Variants in ARID1B observed in about 807,000 individuals in gnomAD.
ARID1B encodes AT-rich interaction domain 1B, also known as AT-rich interactive domain-containing protein 1B.
ARID1B carries 30 observed loss-of-function variants against 212.3 expected under a neutral mutation model. That is an observed-to-expected ratio of 0.14 (90% confidence interval 0.11 to 0.19). ARID1B has a LOEUF of 0.19. Among genes scored for constraint, ARID1B ranks in the 10% least tolerant of loss-of-function variants. The probability of loss-of-function intolerance (pLI) is 1.00; values close to 1 mark genes in which losing one functional copy is unlikely to be tolerated. For synonymous variants in ARID1B, 1,402 were observed against 1,301.7 expected (o/e 1.08, Z -1.66); for missense variants, 2,891 against 3,204.0 (o/e 0.90, Z 2.36).
At chr6:156,846,047 C>T (rs751070004) in intron 2 of ARID1B, among the ~76,000 whole-genome samples, 1 of 152,092 alleles carries the variant, frequency 6.6e-6, no homozygotes, top group Non-Finnish European at 1.5e-5. Flanking sequence ...ATCTTGCCGA[C>T]GACAATGTTG....
chr6:156,922,843 C>G (rs1790917996), intron 3 of ARID1B, among the ~76,000 whole-genome samples: 1 of 152,172 alleles, frequency 6.6e-6, no homozygotes. Flanking sequence ...GTCAAGAATT[C>G]AGGCCCTAGA....
chr6:156,871,335 G>A (rs1217458748), intron 2 of ARID1B, among the ~76,000 whole-genome samples: 1 of 152,218 alleles, frequency 6.6e-6, no homozygotes, highest in Non-Finnish European at 1.5e-5. Flanking sequence ...GGCAGTCATG[G>A]AATGCTAAGT....
chr6:156,807,025 T>G (rs1224274234), intron 1 of ARID1B, among the ~76,000 whole-genome samples: 1 of 152,212 alleles, frequency 6.6e-6, no homozygotes, highest in African/African-American at 2.4e-5. Context: ...TATTCTTAGC[T>G]TATGGGTCCT....
rs565151991 is a variant in ARID1B at position 156,977,013 on chromosome 6, G to A, written c.2247+41437G>A. 8 of 495,178 alleles carry A rather than the reference G, an allele frequency of 1.6e-5. No homozygotes were observed. The East Asian group carries it at 2.7e-4, about 16-fold the overall frequency. 30.7% of individuals were successfully genotyped at this position (495,178 alleles called of 1,614,324 possible). ...ACTGACAACCTCGGCTGGCATCATG[G>A]ACCATAAGGAAGCAAGATGAAAACA... On this transcript the variant is annotated intron_variant, in intron 4 of 19. Transcript: ENST00000636930.
In ARID1B at chr6:157,207,515, C is replaced by A. The variant is rs2128398311; in HGVS notation, c.6743C>A (p.Pro2248Gln). Reference protein sequence around the residue: ...LVRYVGDRKNPVCREMSMALL... With the variant: ...LVRYVGDRKNQVCREMSMALL... ...AGGTACGTTGGGGATCGCAAAAACC[C>A]AGTCTGTCGAGAAATGTCCATGGCG... Residue 2248 changes from proline to glutamine, a missense_variant, in exon 20 of 20, where the codon CCA becomes CAA. Physicochemically the swap from Pro to Gln is moderately conservative, Grantham distance 76. This residue lies in a region of ARID1B where 187 missense variants were observed against 306.5 expected (regional missense o/e 0.61). Coordinates refer to ENST00000636930, the MANE Select transcript of ARID1B (RefSeq NM_001374828.1). This position sits in a 1 kb window ranked among gnomAD's most constrained non-coding sequence, Gnocchi z 8.5. 1 of 1,614,154 alleles carries A rather than the reference C, an allele frequency of 6.2e-7. No individual in the cohort carries two copies.
intron 4 of ARID1B, among the ~76,000 whole-genome samples, chr6:156,978,623 CTG>C (rs1431650007): frequency 6.6e-6 from 1 of 152,170 alleles, no homozygotes; most frequent in Non-Finnish European, 1.5e-5. Context: ...TTATTAGAGA[CTG>C]TTTTGTGTCG....
intron 2 of ARID1B, among the ~76,000 whole-genome samples, chr6:156,869,611 A>G (rs1185471026): frequency 6.6e-6 from 1 of 152,166 alleles, no homozygotes; most frequent in Non-Finnish European, 1.5e-5. Context: ...GAAAGACTTT[A>G]TTTTATCATG....
intron 4 of ARID1B, among the ~76,000 whole-genome samples, chr6:157,025,994 G>A (rs568936620): frequency 8.6e-5 from 13 of 151,540 alleles, no homozygotes; most frequent in Non-Finnish European, 1.5e-4. Flanking sequence ...GCACAATTTC[G>A]GCTCACTGCA....
intron 4 of ARID1B, among the ~76,000 whole-genome samples, chr6:156,951,478 C>G (rs1388486065): frequency 1.3e-5 from 2 of 151,868 alleles, no homozygotes; most frequent in Non-Finnish European, 2.9e-5. Flanking sequence ...GAGTCTCGCT[C>G]TGTCATCCAG....
At chr6:157,059,597 T>G (rs1335222492) in intron 4 of ARID1B, among the ~76,000 whole-genome samples, 3 of 152,204 alleles carry the variant, frequency 2.0e-5, no homozygotes, top group Non-Finnish European at 4.4e-5. Context: ...TACTCAACAT[T>G]TATTAATTGT....
chr6:156,843,452 C>T (rs755492833), intron 2 of ARID1B, among the ~76,000 whole-genome samples: 4 of 152,038 alleles, frequency 2.6e-5, no homozygotes, highest in African/African-American at 7.3e-5. Context: ...CCAAGACAGC[C>T]GTAACTGGGG....
At chr6:157,027,535 C>T (rs558617156) in intron 4 of ARID1B, among the ~76,000 whole-genome samples, 4 of 152,294 alleles carry the variant, frequency 2.6e-5, no homozygotes, top group South Asian at 2.1e-4. Context: ...GGGGCAGGAA[C>T]GTTTGGACAG....
intron 8 of ARID1B, chr6:157,151,992 C>A (rs1475345559): frequency 1.3e-5 from 2 of 152,106 alleles, no homozygotes; most frequent in South Asian, 4.1e-4. Context: ...AAACATCATC[C>A]CCAAAGTGAA....
rs752684703 is a variant in ARID1B at position 156,779,277 on chromosome 6, C to T, written c.1597C>T (p.Pro533Ser). The change falls in exon 1 of 20, where the codon CCG becomes TCG. Residue 533 changes from proline (P) to serine (S), a missense_variant. Transcript: ENST00000636930. ...CAGCCCCAGCGCGCCGCCGCCGCCG[C>T]CGTCGCAGCCCCAGTCCCAGGCGGC... ...YSSPSAPPPPPSQPQSQAAAA... is the reference protein window; with the variant it reads ...YSSPSAPPPPSSQPQSQAAAA... 26 of 1,144,892 alleles carry T rather than the reference C, an allele frequency of 2.3e-5. No individual in the cohort carries two copies. The highest frequency in any genetic ancestry group is 4.0e-5 in the Admixed American group (1 of 24,924). The allele number at this position is 1,144,892 out of a possible 1,614,324, so 70.9% of individuals were successfully genotyped here.
chr6:156,977,553 T>C (rs372142791), intron 4 of ARID1B, among the ~76,000 whole-genome samples: 14 of 152,232 alleles, frequency 9.2e-5, no homozygotes, highest in African/African-American at 2.9e-4. Context: ...ATGCACATTT[T>C]TTCTATATTT....
Position 156,777,838 on chromosome 6 carries a change from C to CACCGGG in ARID1B, c.162_167dup (p.Gly55_Pro56dup). 1.1e-5 allele frequency: 13 copies of CACCGGG among 1,194,232 alleles called. No homozygotes were observed. Among genetic ancestry groups the CACCGGG allele is most frequent in the Non-Finnish European group, 1.4e-5 (13 of 962,950 alleles). 74.0% of individuals were successfully genotyped at this position (1,194,232 alleles called of 1,614,324 possible). A position where few individuals can be genotyped will look rare whatever the true frequency, so the allele number is the denominator to read the frequency against. ...CGCGGCGCGGCGGCGGCGGCGGCGGCACCGGGACCCATGCTGGGGGGCGGC... is the reference window on the plus strand; with the variant it reads ...CGCGGCGCGGCGGCGGCGGCGGCGGCACCGGGACCGGGACCCATGCTGGGGGGCGGC... On this transcript the variant is annotated inframe_insertion, in exon 1 of 20. Coordinates refer to ENST00000636930, the MANE Select transcript of ARID1B (RefSeq NM_001374828.1).
At chr6:157,016,019 T>A (rs139095298) in intron 4 of ARID1B, among the ~76,000 whole-genome samples, 1 of 152,304 alleles carries the variant, frequency 6.6e-6, no homozygotes, top group Non-Finnish European at 1.5e-5. Flanking sequence ...AGGAGAAGGG[T>A]TGGTAGAAGT....
At chr6:156,903,958 G>A (rs1439844292) in intron 3 of ARID1B, among the ~76,000 whole-genome samples, 1 of 152,116 alleles carries the variant, frequency 6.6e-6, no homozygotes, top group African/African-American at 2.4e-5. Context: ...ACCTGACTTT[G>A]TGTCTTCAAT....
chr6:157,130,547 T>C (rs1002671439), intron 6 of ARID1B, among the ~76,000 whole-genome samples: 3 of 152,236 alleles, frequency 2.0e-5, no homozygotes, highest in African/African-American at 7.2e-5. Context: ...AGCTGCCAAT[T>C]GAGCCCAATT....
Sources: allele counts gnomAD v4.1 joint callset (sites outside exome capture counted in the v4.1 genomes callset), GRCh38; gene constraint gnomAD v4.1.1; regional missense constraint gnomAD v4.1.1; non-coding constraint Gnocchi (gnomAD v3.1); transcripts MANE v1.5; gene names NCBI Gene and HGNC (gene_info 2026-07-23, HGNC 2026-07-21).